The following PAK1 variants were observed in gnomAD, a reference collection of about 807,000 sequenced individuals.
PAK1 encodes serine/threonine-protein kinase PAK 1.
A neutral mutation model predicts 67.4 loss-of-function variants in PAK1; 29 were observed. The ratio of observed to expected loss-of-function variants is 0.43; its 90% CI spans 0.32 to 0.59. PAK1 has a LOEUF of 0.59. Ranked by LOEUF, PAK1 falls within the 20% of genes least tolerant of loss-of-function variation. PAK1 has a pLI of 0.07. For missense variants in PAK1, 337 were observed against 670.7 expected (o/e 0.50, Z 5.50); for synonymous variants, 223 against 237.4 (o/e 0.94, Z 0.56).
intron 1 of PAK1, among the ~76,000 whole-genome samples, chr11:77,415,655 G>C (rs896405627): frequency 6.6e-6 from 1 of 152,052 alleles, no homozygotes; most frequent in African/African-American, 2.4e-5. Context: ...CATTTACCAT[G>C]AATGGAACTT....
At chr11:77,510,509 G>A in the PAK1 span, among the ~76,000 whole-genome samples, 1 of 152,284 alleles carries the variant, frequency 6.6e-6, no homozygotes, top group Middle Eastern at 3.4e-3. Context: ...GATTACAGGT[G>A]TGTACAGGTG....
At chr11:77,444,788 T>C (rs771059369) in intron 1 of PAK1, among the ~76,000 whole-genome samples, 1 of 152,156 alleles carries the variant, frequency 6.6e-6, no homozygotes, top group Non-Finnish European at 1.5e-5. Context: ...ATGTCCCTGT[T>C]TGGGGGATCT....
chr11:77,365,777 G>A (rs1273136122), intron 5 of PAK1, among the ~76,000 whole-genome samples: 3 of 151,562 alleles, frequency 2.0e-5, no homozygotes, highest in African/African-American at 7.3e-5. Context: ...AGGTTGCAGT[G>A]AACCAAGATC....
At chr11:77,416,025 C>A (rs1954933063) in intron 1 of PAK1, among the ~76,000 whole-genome samples, 1 of 145,646 alleles carries the variant, frequency 6.9e-6, no homozygotes. Context: ...GTCACCCAGG[C>A]AGGAGTGCAG....
At chr11:77,520,836 C>T in the PAK1 span, among the ~76,000 whole-genome samples, 4 of 152,106 alleles carry the variant, frequency 2.6e-5, no homozygotes, top group African/African-American at 7.2e-5. Flanking sequence ...AGCAAATACG[C>T]GGGGTATGTA....
intron 7 of PAK1, among the ~76,000 whole-genome samples, chr11:77,355,280 G>C (rs547841845): frequency 2.0e-5 from 3 of 152,086 alleles, no homozygotes; most frequent in Non-Finnish European, 4.4e-5. Flanking sequence ...TGGCAGATGC[G>C]TCTTCTCCTA....
At chr11:77,333,167 C>CA (rs1942007913) in intron 13 of PAK1, among the ~76,000 whole-genome samples, 1 of 149,072 alleles carries the variant, frequency 6.7e-6, no homozygotes, top group Admixed American at 6.7e-5. Flanking sequence ...AAATATGTTA[C>CA]AGACCTAAGG....
At position 77,336,107 on chromosome 11, in the gene PAK1, G is replaced by A; in HGVS notation, c.1392C>T (p.Tyr464=). The A allele has an allele frequency of 1.2e-6, 2 of 1,610,198 alleles. No individual in the cohort carries two copies. The highest frequency in any genetic ancestry group is 1.1e-5 in the South Asian group (1 of 90,962). Residue 464 remains tyrosine, a synonymous_variant, in exon 13 of 15, where the codon TAC becomes TAT. Transcript: ENST00000356341. Reference sequence around the variant, plus strand: ...TCACTCTCAGAGGGTTTTCATTGAGGTATGGAGGCTCCCCTTCAATCATTT... The same window carrying A: ...TCACTCTCAGAGGGTTTTCATTGAGATATGGAGGCTCCCCTTCAATCATTT... The part of the protein sequence containing the change: ...AIEMIEGEPP[Y]LNENPLRALY...
intron 1 of PAK1, among the ~76,000 whole-genome samples, chr11:77,396,415 CT>C (rs1951838507): frequency 6.6e-6 from 1 of 152,164 alleles, no homozygotes; most frequent in African/African-American, 2.4e-5. Flanking sequence ...TACACATTTG[CT>C]TTCCCTTTCA....
At chr11:77,428,019 T>C (rs1268169036) in intron 1 of PAK1, among the ~76,000 whole-genome samples, 1 of 152,046 alleles carries the variant, frequency 6.6e-6, no homozygotes, top group Non-Finnish European at 1.5e-5. Context: ...ATAGTTGGAG[T>C]GCACAGTATA....
At chr11:77,358,598 T>C (rs1946358537) in intron 6 of PAK1, among the ~76,000 whole-genome samples, 1 of 152,170 alleles carries the variant, frequency 6.6e-6, no homozygotes, top group Non-Finnish European at 1.5e-5. Flanking sequence ...CTGCACTAAG[T>C]AGCATCAATC....
chr11:77,390,663 C>T (rs1951013595), intron 2 of PAK1, among the ~76,000 whole-genome samples: 1 of 132,768 alleles, frequency 7.5e-6, no homozygotes, highest in Non-Finnish European at 1.6e-5. Flanking sequence ...TGCCCGACTC[C>T]TTTTTTTTTT....
the PAK1 span, among the ~76,000 whole-genome samples, chr11:77,526,922 A>G: frequency 6.6e-6 from 1 of 152,048 alleles, no homozygotes; most frequent in East Asian, 1.9e-4. Flanking sequence ...TCGCAAAAAA[A>G]AAAAAAAGGG....
intron 2 of PAK1, among the ~76,000 whole-genome samples, chr11:77,382,269 G>T (rs1363874590): frequency 6.6e-6 from 1 of 152,150 alleles, no homozygotes; most frequent in Non-Finnish European, 1.5e-5. Context: ...CCAGAGAAAT[G>T]AAATCATTTA....
intron 1 of PAK1, among the ~76,000 whole-genome samples, chr11:77,421,140 C>A (rs1039577963): frequency 6.6e-6 from 1 of 151,790 alleles, no homozygotes; most frequent in African/African-American, 2.4e-5. Context: ...CTTCCTCTAC[C>A]TCCTCCCCTC....
In PAK1 at chr11:77,399,675, C is replaced by T. The variant is rs976632115; in HGVS notation, c.-21-7134G>A. On this transcript the variant is annotated intron_variant, in intron 1 of 14. Transcript: ENST00000356341. Reference sequence around the variant, plus strand: ...GAGATCGAGACCATCCCGGCTAAAACGGTGAAACCCCGTCTCTACTAAAAA... The same window carrying T: ...GAGATCGAGACCATCCCGGCTAAAATGGTGAAACCCCGTCTCTACTAAAAA... Among the ~76,000 whole-genome samples the T allele has an allele frequency of 3.4e-4, 51 of 151,114 alleles. 1 individual carries two copies. In the East Asian group the frequency reaches 5.3e-3, roughly 16 times the overall value.
intron 1 of PAK1, among the ~76,000 whole-genome samples, chr11:77,425,895 C>G (rs560309694): frequency 3.3e-5 from 5 of 151,992 alleles, no homozygotes; most frequent in Non-Finnish European, 5.9e-5. Flanking sequence ...CTTGAGCCCA[C>G]AAGTTCAAGG....
At chr11:77,326,577 C>A (rs974233779) in intron 14 of PAK1, among the ~76,000 whole-genome samples, 4 of 152,134 alleles carry the variant, frequency 2.6e-5, no homozygotes, top group African/African-American at 9.7e-5. Context: ...CCCAGCTACT[C>A]TGGAGGCTGA....
At position 77,429,056 on chromosome 11, in the gene PAK1, T is replaced by TAAAAAAAAAAAAAAA. The variant is rs566874549; in HGVS notation, c.-21-36530_-21-36516dup. Among the ~76,000 whole-genome samples the TAAAAAAAAAAAAAAA allele has an allele frequency of 4.9e-4, 24 of 48,994 alleles. 4 individuals carry two copies. Among genetic ancestry groups the TAAAAAAAAAAAAAAA allele is most frequent in the Admixed American group, 8.8e-4 (3 of 3,420 alleles). The allele number at this position is 48,994 out of a possible 152,430, so 32.1% of individuals were successfully genotyped here. On this transcript the variant is annotated intron_variant, in intron 1 of 14. Transcript: ENST00000356341. ...TTGGATTCTAAATGCCATTTAATAC[T>TAAAAAAAAAAAAAAA]AAAAAAAAAAAAAAAAAAAAAAAAA...
Sources: gnomAD v4.1 joint callset for allele counts (sites outside exome capture counted in the v4.1 genomes callset) on GRCh38, gnomAD v4.1.1 for gene constraint, MANE v1.5 for transcripts, NCBI Gene and HGNC (gene_info 2026-07-23, HGNC 2026-07-21) for gene names.